The following DDAH1 variants were observed in gnomAD, a reference collection of about 807,000 sequenced individuals.
DDAH1 encodes N(G),N(G)-dimethylarginine dimethylaminohydrolase 1.
DDAH1 carries 19 observed loss-of-function variants against 28.8 expected under a neutral mutation model. The observed-to-expected ratio is 0.66, with a 90% CI of 0.46 to 0.97. DDAH1 has a LOEUF of 0.97. Among genes scored for constraint, DDAH1 ranks in the 50% least tolerant of loss-of-function variants. The pLI is 0.00. For synonymous variants in DDAH1, 153 were observed against 154.4 expected (o/e 0.99, Z 0.07); for missense variants, 326 against 375.9 (o/e 0.87, Z 1.10).
chr1:85,395,681 A>T (rs1036750825), intron 1 of DDAH1, among the ~76,000 whole-genome samples: 2 of 152,056 alleles, frequency 1.3e-5, no homozygotes, highest in Non-Finnish European at 2.9e-5. Context: ...TCAAAAAAAA[A>T]AAAAGAAAAA....
chr1:85,530,935 G>A (rs1289288011), intron 1 of DDAH1, among the ~76,000 whole-genome samples: 1 of 145,384 alleles, frequency 6.9e-6, no homozygotes, highest in African/African-American at 2.6e-5. Context: ...AGGTTGCAGT[G>A]AGCCGAGATC....
At chr1:85,549,913 C>A (rs1658735760) in intron 1 of DDAH1, among the ~76,000 whole-genome samples, 1 of 152,048 alleles carries the variant, frequency 6.6e-6, no homozygotes. Flanking sequence ...ACTGGGGATC[C>A]ATTCACTGGA....
At chr1:85,531,906 T>C (rs1458570505) in intron 1 of DDAH1, among the ~76,000 whole-genome samples, 20 of 151,796 alleles carry the variant, frequency 1.3e-4, no homozygotes, top group Non-Finnish European at 2.5e-4. Flanking sequence ...GGCTGGAATT[T>C]AGACTACTAC....
At chr1:85,404,902 T>C (rs1652335392) in intron 1 of DDAH1, among the ~76,000 whole-genome samples, 1 of 152,264 alleles carries the variant, frequency 6.6e-6, no homozygotes, top group Non-Finnish European at 1.5e-5. Flanking sequence ...GCCATTTCTT[T>C]AGGCATTAAA....
chr1:85,323,228 C>A (rs1001137304), intron 5 of DDAH1, among the ~76,000 whole-genome samples: 1 of 151,648 alleles, frequency 6.6e-6, no homozygotes, highest in African/African-American at 2.4e-5. Context: ...CTAATATTTG[C>A]GAAGCTTAAG....
At chr1:85,358,927 A>AT in intron 1 of DDAH1, 80 bp from the exon 2 acceptor site, 1 of 1,055,052 alleles carries the variant, frequency 9.5e-7, no homozygotes, top group Non-Finnish European at 1.4e-6. Context: ...CTAAACACTA[A>AT]ATCAAGCTCT....
At chr1:85,351,253 T>C (rs994781159) in intron 3 of DDAH1, among the ~76,000 whole-genome samples, 1 of 152,126 alleles carries the variant, frequency 6.6e-6, no homozygotes, top group Non-Finnish European at 1.5e-5. Flanking sequence ...GGTGGTTGTA[T>C]AATTATACAC....
intron 4 of DDAH1, among the ~76,000 whole-genome samples, chr1:85,328,306 G>A (rs868252678): frequency 6.6e-6 from 1 of 152,286 alleles, no homozygotes; most frequent in Middle Eastern, 3.4e-3. Flanking sequence ...ATATCAAACC[G>A]AACACATAAG....
At chr1:85,328,610 T>C (rs1196915859) in intron 4 of DDAH1, among the ~76,000 whole-genome samples, 1 of 152,206 alleles carries the variant, frequency 6.6e-6, no homozygotes, top group Non-Finnish European at 1.5e-5. Flanking sequence ...GTCACATGAA[T>C]TGGACCTAGT....
chr1:85,552,153 T>C (rs1314797401), intron 1 of DDAH1, among the ~76,000 whole-genome samples: 1 of 152,202 alleles, frequency 6.6e-6, no homozygotes, highest in African/African-American at 2.4e-5. Context: ...CTATTATCTC[T>C]GGAAAAAGTC....
intron 1 of DDAH1, among the ~76,000 whole-genome samples, chr1:85,420,550 T>C (rs1353849913): frequency 6.6e-6 from 1 of 152,174 alleles, no homozygotes. Context: ...ACGGACACAA[T>C]GCAGCCAAGG....
At position 85,401,058 on chromosome 1, in the gene DDAH1, TA is replaced by T. The variant is rs1317948810; in HGVS notation, c.304-42212del. 3.9e-5 allele frequency among the ~76,000 whole-genome samples: 6 copies of T among 152,310 alleles called. No individual in the cohort carries two copies. The East Asian group carries it at 1.2e-3, about 29-fold the overall frequency. On this transcript the variant is annotated intron_variant, in intron 1 of 5. Transcript: ENST00000284031. ...CAAATGTCCAGGGTTTCTAAAGCTTTATATAATACGAGAACATTGGGCTAAA... is the reference window on the plus strand; with the variant it reads ...CAAATGTCCAGGGTTTCTAAAGCTTTTATAATACGAGAACATTGGGCTAAA...
At chr1:85,477,504 T>TA (rs1336473448) in intron 2 of DDAH1, among the ~76,000 whole-genome samples, 1 of 152,092 alleles carries the variant, frequency 6.6e-6, no homozygotes, top group African/African-American at 2.4e-5. Flanking sequence ...ACCGAAAATA[T>TA]AACACATCCT....
At position 85,413,621 on chromosome 1, in the gene DDAH1, G is replaced by A. The variant is rs565362599; in HGVS notation, c.303+51122C>T. ...GCATAGAAGCAAGGTATAGAAAACA[G>A]GATACTCCAGATATTTATCACTGAA... On this transcript the variant is annotated intron_variant, in intron 1 of 5. Transcript: ENST00000284031. Among the ~76,000 whole-genome samples the A allele has an allele frequency of 7.2e-4, 110 of 152,294 alleles. 1 individual carries two copies. In the Middle Eastern group the frequency reaches 0.01, roughly 14 times the overall value.
At chr1:85,414,812 C>T (rs779262100) in intron 1 of DDAH1, among the ~76,000 whole-genome samples, 2 of 151,870 alleles carry the variant, frequency 1.3e-5, no homozygotes, top group Non-Finnish European at 2.9e-5. Flanking sequence ...TGTACTCAAA[C>T]AACATTTGAT....
intron 2 of DDAH1, among the ~76,000 whole-genome samples, chr1:85,479,266 C>T (rs1241948728): frequency 1.4e-4 from 21 of 149,754 alleles, no homozygotes; most frequent in African/African-American, 2.0e-4. Flanking sequence ...CTCCGCTTCC[C>T]GGGTTCACGC....
intron 2 of DDAH1, among the ~76,000 whole-genome samples, chr1:85,483,711 C>T (rs1184237074): frequency 1.3e-5 from 2 of 152,144 alleles, no homozygotes; most frequent in South Asian, 2.1e-4. Flanking sequence ...CTTTTCAGAG[C>T]CCTTTGGATT....
chr1:85,326,709 G>C (rs765926404), intron 4 of DDAH1, among the ~76,000 whole-genome samples: 9 of 152,138 alleles, frequency 5.9e-5, no homozygotes, highest in Non-Finnish European at 1.0e-4. Flanking sequence ...ACCTGCTACC[G>C]TCTGGTATAG....
intron 1 of DDAH1, chr1:85,575,815 C>G (rs2100575565): frequency 6.6e-6 from 1 of 152,238 alleles, no homozygotes; most frequent in East Asian, 1.9e-4. Context: ...GGTGAGTGAC[C>G]TTGGCTAGTC....
Sources: allele counts gnomAD v4.1 joint callset (sites outside exome capture counted in the v4.1 genomes callset), GRCh38; gene constraint gnomAD v4.1.1; transcripts MANE v1.5; gene names NCBI Gene and HGNC (gene_info 2026-07-23, HGNC 2026-07-21).